ELOVL1: variants seen among roughly 807,000 people sequenced by gnomAD.
ELOVL1 encodes the protein ELOVL fatty acid elongase 1.
ELOVL1 carries 10 observed loss-of-function variants against 37.8 expected under a neutral mutation model. The observed-to-expected ratio is 0.26, with a 90% CI of 0.16 to 0.45. The LOEUF is 0.45. Ranked by LOEUF, ELOVL1 falls within the 20% of genes least tolerant of loss-of-function variation. The pLI is 1.00. For missense variants in ELOVL1, 256 were observed against 352.7 expected, an observed-to-expected ratio of 0.73 and a Z score of 2.20; for synonymous variants, 133 against 123.8, an observed-to-expected ratio of 1.07 and a Z score of -0.49.
Position 43,365,327 on chromosome 1 carries a change from G to C in ELOVL1, c.96C>G (p.Thr32=), listed in dbSNP as rs758858435. 6.2e-7 allele frequency: 1 copy of C among 1,613,762 alleles called. No homozygotes were observed. Among genetic ancestry groups the C allele is most frequent in the Admixed American group, 1.7e-5 (1 of 59,940 alleles). The change falls in exon 3 of 8, where the codon ACC becomes ACG. Residue 32 remains threonine (T), a synonymous_variant. Coordinates refer to ENST00000372458, the MANE Select transcript of ELOVL1 (RefSeq NM_022821.4). The part of the protein sequence containing the change: ...YPLMGSPLLM[T]SILLTYVYFV... ...AGTACACGTAGGTCAGGAGAATGGA[G>C]GTCATTAGCAAGGGGGACCCCATCA...
intron 2 of ELOVL1, 30 bp downstream of exon 2, chr1:43,365,534 G>A (rs1414993462): frequency 6.8e-6 from 11 of 1,614,006 alleles, no homozygotes; most frequent in Non-Finnish European, 9.3e-6. Context: ...GGGAAAGAAG[G>A]AAGGAAAGGG....
At position 43,364,697 on chromosome 1, in the gene ELOVL1, C is replaced by G; in HGVS notation, c.375+41G>C. 6.2e-7 allele frequency: 1 copy of G among 1,614,170 alleles called. No individual in the cohort carries two copies. On this transcript the variant is annotated intron_variant, in intron 5 of 7. Transcript: ENST00000372458. The surrounding 1 kb of genome is among the most constrained non-coding windows in gnomAD (Gnocchi z 5.2). ...ATTCAGAACCTGGGCTTCTCCACCT[C>G]ATTCTCCCCTCAAGTTCTCACATCT...
At chr1:43,366,184 G>A (rs909513332) in intron 1 of ELOVL1, 14 of 166,272 alleles carry the variant, frequency 8.4e-5, no homozygotes, top group Admixed American at 1.7e-4. Flanking sequence ...TGTCCCTCCA[G>A]AACCTTATCC....
chr1:43,365,626 G>A lies in ELOVL1; in HGVS notation c.-14-3C>T. ...AGCCTCCATCCTGGCTAAGGACTCTGGGGAGGTACAGAGGGCGGATGTCAG... is the reference window on the plus strand; with the variant it reads ...AGCCTCCATCCTGGCTAAGGACTCTAGGGAGGTACAGAGGGCGGATGTCAG... On this transcript the variant is annotated splice_region_variant and splice_polypyrimidine_tract_variant and intron_variant, in intron 1 of 7. Coordinates refer to ENST00000372458, the MANE Select transcript of ELOVL1 (RefSeq NM_022821.4). 1 of 1,614,046 alleles carries A rather than the reference G, an allele frequency of 6.2e-7. No individual in the cohort carries two copies.
chr1:43,366,154 C>T (rs1254592040), intron 1 of ELOVL1: 2 of 178,426 alleles, frequency 1.1e-5, no homozygotes, highest in Non-Finnish European at 2.4e-5. Flanking sequence ...TGCCAGGACT[C>T]TCACCTCTCT....
At chr1:43,366,967 C>T (rs1647257768) in intron 1 of ELOVL1, 2 of 152,232 alleles carry the variant, frequency 1.3e-5, no homozygotes, top group African/African-American at 2.4e-5. Context: ...GTGCCCCAGA[C>T]TCCCTGCTTC....
At chr1:43,365,084 G>A in intron 3 of ELOVL1, 76 bp from the exon 4 acceptor site, 1 of 1,594,076 alleles carries the variant, frequency 6.3e-7, no homozygotes, top group Non-Finnish European at 8.6e-7. Context: ...CTGAGGACAT[G>A]GATCTGAACC....
Position 43,364,326 on chromosome 1 carries a change from G to A in ELOVL1, c.616C>T (p.Leu206=). 1 of 1,614,116 alleles carries A rather than the reference G, an allele frequency of 6.2e-7. No individual in the cohort carries two copies. Among genetic ancestry groups the A allele is most frequent in the Non-Finnish European group, 8.5e-7 (1 of 1,180,026 alleles). The change falls in exon 7 of 8, where the codon CTG becomes TTG. Residue 206 remains leucine, a splice_region_variant and synonymous_variant. Coordinates refer to ENST00000372458, the MANE Select transcript of ELOVL1 (RefSeq NM_022821.4). The surrounding 1 kb of genome is among the most constrained non-coding windows in gnomAD (Gnocchi z 5.2). ...GTAAGTCAGGCCAAGCCCCTCACCA[G>A]CTGAATGGCTGTCATGTGCTTTTTC... ...WWKKHMTAIQ[L]IQFVLVSLHI...
At chr1:43,365,729 G>A in intron 1 of ELOVL1, 106 bp from the exon 2 acceptor site, 1 of 1,179,160 alleles carries the variant, frequency 8.5e-7, no homozygotes, top group Non-Finnish European at 1.3e-6. Flanking sequence ...CCTCATTGCA[G>A]AAAGGACAGA....
intron 1 of ELOVL1, chr1:43,367,141 C>G (rs1647262879): frequency 6.6e-6 from 1 of 152,520 alleles, no homozygotes; most frequent in Admixed American, 6.5e-5. Flanking sequence ...CCACCCCCAA[C>G]AGCGAAGGTG....
Position 43,364,667 on chromosome 1 carries a change from A to G in ELOVL1, c.376-20T>C. 1 of 1,614,134 alleles carries G rather than the reference A, an allele frequency of 6.2e-7. No individual in the cohort carries two copies. Among genetic ancestry groups the G allele is most frequent in the East Asian group, 2.2e-5 (1 of 44,878 alleles). On this transcript the variant is annotated intron_variant, in intron 5 of 7. Coordinates refer to ENST00000372458, the MANE Select transcript of ELOVL1 (RefSeq NM_022821.4). This position sits in a 1 kb window ranked among gnomAD's most constrained non-coding sequence, Gnocchi z 5.2. ...GATCACCTGAGAGAAGAGTGAGGGA[A>G]GGGGATTCAGAACCTGGGCTTCTCC...
chr1:43,365,524 G>A (rs1403227823), intron 2 of ELOVL1, 40 bp downstream of exon 2: 9 of 1,613,562 alleles, frequency 5.6e-6, no homozygotes, highest in Admixed American at 1.7e-5. Flanking sequence ...CAGGGATCCC[G>A]GGAAAGAAGG....
At chr1:43,365,693 C>T (rs1647222235) in intron 1 of ELOVL1, 70 bp from the exon 2 acceptor site, 3 of 1,476,612 alleles carry the variant, frequency 2.0e-6, no homozygotes, top group Non-Finnish European at 1.9e-6. Context: ...AGATAAGACA[C>T]AGAACCAGAC....
intron 1 of ELOVL1, 144 bp from the exon 2 acceptor site, chr1:43,365,767 C>G (rs1647223030): frequency 3.3e-6 from 3 of 902,558 alleles, no homozygotes; most frequent in Non-Finnish European, 5.3e-6. Context: ...TTACTGGGAA[C>G]TAGGGGGAGG....
In ELOVL1 at chr1:43,365,312, G is replaced by C; in HGVS notation, c.111C>G (p.Thr37=). 1.9e-6 allele frequency: 3 copies of C among 1,614,016 alleles called. No homozygotes were observed. Among genetic ancestry groups the C allele is most frequent in the Middle Eastern group, 1.6e-4 (1 of 6,062 alleles). Residue 37 remains threonine (T), a synonymous_variant, in exon 3 of 8, where the codon ACC becomes ACG. Transcript: ENST00000372458. ...SPLLMTSILL[T]YVYFVLSLGP... ...CAAGTGAGAGAACGAAGTACACGTAGGTCAGGAGAATGGAGGTCATTAGCA... is the reference window on the plus strand; with the variant it reads ...CAAGTGAGAGAACGAAGTACACGTACGTCAGGAGAATGGAGGTCATTAGCA...
rs1332091166 is a variant in ELOVL1 at position 43,364,631 on chromosome 1, C to T, written c.392G>A (p.Arg131Gln). ...ELMDTVIFIL[R>Q]KKDGQVTFLH... ...GAAGGTCACCTGCCCGTCTTTCTTT[C>T]GGAGAATAAAGATCACCTGAGAGAA... Residue 131 changes from arginine (R) to glutamine (Q), a missense_variant, in exon 6 of 8, where the codon CGA becomes CAA. Physicochemically the swap from Arg to Gln is conservative, Grantham distance 43. Around this residue, in one of 3 missense-constraint regions of ELOVL1, gnomAD observed 158 missense variants for 189.4 expected, o/e 0.83. Coordinates refer to ENST00000372458, the MANE Select transcript of ELOVL1 (RefSeq NM_022821.4). This position sits in a 1 kb window ranked among gnomAD's most constrained non-coding sequence, Gnocchi z 5.2. 3.1e-6 allele frequency: 5 copies of T among 1,614,126 alleles called. No homozygotes were observed. The highest frequency in any genetic ancestry group is 4.2e-6 in the Non-Finnish European group (5 of 1,180,014).
rs373810841 is a variant in ELOVL1, at chr1:43,365,568, G to A, written c.42C>T (p.His14=). The A allele has an allele frequency of 1.5e-5, 24 of 1,614,098 alleles. No individual in the cohort carries two copies. The highest frequency in any genetic ancestry group is 9.3e-5 in the African/African-American group (7 of 74,982). ...GGCTGGTGGATAGCGTCTTACCTGC[G>A]TGCTTCATCACCTCTTGGTACAAGT... ...VVNLYQEVMK[H]ADPRIQGYPL... Residue 14 remains histidine, a synonymous_variant, in exon 2 of 8, where the codon CAC becomes CAT. Transcript: ENST00000372458.
At position 43,365,631 on chromosome 1, in the gene ELOVL1, G is replaced by C; in HGVS notation, c.-14-8C>G. On this transcript the variant is annotated splice_region_variant and splice_polypyrimidine_tract_variant and intron_variant, in intron 1 of 7. Coordinates refer to ENST00000372458, the MANE Select transcript of ELOVL1 (RefSeq NM_022821.4). ...CCATCCTGGCTAAGGACTCTGGGGA[G>C]GTACAGAGGGCGGATGTCAGACAGA... The C allele has an allele frequency of 6.2e-7, 1 of 1,614,064 alleles. No individual in the cohort carries two copies. The highest frequency in any genetic ancestry group is 2.2e-5 in the East Asian group (1 of 44,880).
chr1:43,365,299 C>G lies in ELOVL1; in HGVS notation c.124G>C (p.Val42Leu). 6.2e-7 allele frequency: 1 copy of G among 1,614,002 alleles called. No homozygotes were observed. Among genetic ancestry groups the G allele is most frequent in the Non-Finnish European group, 8.5e-7 (1 of 1,179,996 alleles). ...TSILLTYVYF[V>L]LSLGPRIMAN... ...ATGATGCGAGGCCCAAGTGAGAGAA[C>G]GAAGTACACGTAGGTCAGGAGAATG... Residue 42 changes from valine to leucine, a missense_variant, in exon 3 of 8, where the codon GTT becomes CTT. Around this residue, in one of 3 missense-constraint regions of ELOVL1, gnomAD observed 158 missense variants for 189.4 expected, o/e 0.83. Transcript: ENST00000372458.
Sources: allele counts gnomAD v4.1 joint callset, GRCh38; gene constraint gnomAD v4.1.1; regional missense constraint gnomAD v4.1.1; non-coding constraint Gnocchi (gnomAD v3.1); transcripts MANE v1.5; gene names NCBI Gene and HGNC (gene_info 2026-07-23, HGNC 2026-07-21).